Variants in P3H2 observed in about 807,000 individuals in gnomAD.
P3H2 encodes leprecan-like 1.
A neutral mutation model predicts 87.0 loss-of-function variants in P3H2; 80 were observed. The observed-to-expected ratio is 0.92, with a 90% confidence interval of 0.77 to 1.11. The LOEUF is 1.11. Among genes scored for constraint, P3H2 ranks in the 50% least tolerant of loss-of-function variants. The pLI, the probability that P3H2 is intolerant of heterozygous loss-of-function variation, is 0.00. For synonymous variants in P3H2, 367 were observed against 359.3 expected, an observed-to-expected ratio of 1.02 and a Z score of -0.24; for missense variants, 1,001 against 923.9, an observed-to-expected ratio of 1.08 and a Z score of -1.08.
chr3:190,042,922 A>G (rs1214875415), intron 1 of P3H2, among the ~76,000 whole-genome samples: 1 of 152,204 alleles, frequency 6.6e-6, no homozygotes, highest in Non-Finnish European at 1.5e-5. Context: ...AGTCAATTTT[A>G]ACGCTGAAAA....
At chr3:190,072,768 C>T (rs9836307) in intron 1 of P3H2, among the ~76,000 whole-genome samples, 36,335 of 152,016 alleles carry the variant, frequency 0.24, 4,682 homozygotes, top group African/African-American at 0.33. Flanking sequence ...ATTCAAACAA[C>T]TGTTTAAATT....
Position 190,120,783 on chromosome 3 carries a change from A to T in P3H2, c.-52T>A, listed in dbSNP as rs759702797. The T allele has an allele frequency of 1.3e-6, 2 of 1,500,584 alleles. No individual in the cohort carries two copies. Among genetic ancestry groups the T allele is most frequent in the South Asian group, 1.2e-5 (1 of 80,562 alleles). The allele number at this position is 1,500,584 out of a possible 1,614,324, so 93.0% of individuals were successfully genotyped here. A position where few individuals can be genotyped will look rare whatever the true frequency, so the allele number is the denominator to read the frequency against. ...GTTACGCTCGAGAGGGCTTCGGGGC[A>T]CCTCGCGTCCGGGTCCCCTCTCCCA... is the stretch of plus-strand genomic sequence containing the variant. On this transcript the variant is annotated 5_prime_UTR_variant, in exon 1 of 15. Coordinates refer to ENST00000319332, the MANE Select transcript of P3H2 (RefSeq NM_018192.4).
intron 1 of P3H2, among the ~76,000 whole-genome samples, chr3:190,111,030 G>A (rs79100078): frequency 0.04 from 6,158 of 152,186 alleles, 402 homozygotes; most frequent in African/African-American, 0.14. Flanking sequence ...AAATTCTGAC[G>A]TTTTGGATCT....
intron 7 of P3H2, among the ~76,000 whole-genome samples, chr3:189,983,980 GA>G (rs1723614016): frequency 1.3e-5 from 2 of 152,012 alleles, no homozygotes; most frequent in African/African-American, 4.8e-5. Context: ...AATGCTAAAT[GA>G]CAAGTTAATG....
At chr3:189,990,346 A>C (rs1471365657) in intron 3 of P3H2, among the ~76,000 whole-genome samples, 1 of 152,182 alleles carries the variant, frequency 6.6e-6, no homozygotes, top group African/African-American at 2.4e-5. Flanking sequence ...TTTCTTAAGA[A>C]AACAAAAATA....
chr3:190,041,076 A>C (rs1388556997), intron 1 of P3H2, among the ~76,000 whole-genome samples: 1 of 44,472 alleles, frequency 2.2e-5, no homozygotes, highest in Non-Finnish European at 3.9e-5. Context: ...ACACACACAC[A>C]CACACTCTCT....
At chr3:189,971,433 C>G (rs1048075303) in intron 12 of P3H2, 28 of 248,486 alleles carry the variant, frequency 1.1e-4, no homozygotes, top group Non-Finnish European at 1.8e-4. Flanking sequence ...AAATCTCTCT[C>G]AATAGGTAAG....
chr3:190,051,149 A>G (rs6444414), intron 1 of P3H2, among the ~76,000 whole-genome samples: 31,874 of 152,180 alleles, frequency 0.21, 5,298 homozygotes, highest in African/African-American at 0.46. Flanking sequence ...AAACAGGACA[A>G]TGCTAATGCC....
chr3:190,011,555 T>C (rs1724588967), intron 1 of P3H2, among the ~76,000 whole-genome samples: 1 of 152,210 alleles, frequency 6.6e-6, no homozygotes, highest in African/African-American at 2.4e-5. Flanking sequence ...ACTTTTCTGA[T>C]ATTATTTTGA....
At chr3:190,100,102 T>G (rs905947910) in intron 1 of P3H2, among the ~76,000 whole-genome samples, 1 of 151,940 alleles carries the variant, frequency 6.6e-6, no homozygotes, top group Non-Finnish European at 1.5e-5. Context: ...GGTGCAGTGG[T>G]GGGCACTTGT....
chr3:190,099,858 A>C (rs565722101), intron 1 of P3H2, among the ~76,000 whole-genome samples: 1 of 152,298 alleles, frequency 6.6e-6, no homozygotes, highest in South Asian at 2.1e-4. Context: ...ACCTTTATCT[A>C]AGAGGAAGAG....
intron 1 of P3H2, among the ~76,000 whole-genome samples, chr3:190,067,981 G>A (rs1161559302): frequency 6.6e-6 from 1 of 151,976 alleles, no homozygotes; most frequent in African/African-American, 2.4e-5. Context: ...TCCACAAATA[G>A]CATGAGTTAG....
At chr3:190,114,379 G>A (rs1446179718) in intron 1 of P3H2, among the ~76,000 whole-genome samples, 2 of 151,616 alleles carry the variant, frequency 1.3e-5, no homozygotes, top group Non-Finnish European at 2.9e-5. Flanking sequence ...GTAGAGACGG[G>A]GTTTCACCGT....
chr3:190,024,329 G>A (rs1560367261), intron 1 of P3H2, among the ~76,000 whole-genome samples: 1 of 151,974 alleles, frequency 6.6e-6, no homozygotes. Context: ...ACGAGGTCAG[G>A]AGTTCGAGAC....
chr3:190,011,500 A>C (rs1724587261), intron 1 of P3H2, among the ~76,000 whole-genome samples: 2 of 152,212 alleles, frequency 1.3e-5, no homozygotes, highest in Non-Finnish European at 1.5e-5. Context: ...ATTTTATTGG[A>C]AGTAAACAGT....
intron 1 of P3H2, among the ~76,000 whole-genome samples, chr3:190,034,872 G>A (rs1232743201): frequency 2.2e-5 from 3 of 135,394 alleles, no homozygotes; most frequent in African/African-American, 5.6e-5. Flanking sequence ...TTTTTGAGAC[G>A]GCATTTCACT....
intron 1 of P3H2, among the ~76,000 whole-genome samples, chr3:190,097,326 C>T (rs6762865): frequency 0.076 from 11,527 of 152,194 alleles, 1,172 homozygotes; most frequent in African/African-American, 0.23. Context: ...GCTATGATTT[C>T]CCCAATACTG....
rs748885674 is a variant in P3H2, at chr3:189,973,910, T to G, written c.1547A>C (p.Lys516Thr). The G allele has an allele frequency of 8.7e-6, 14 of 1,611,544 alleles. No homozygotes were observed. Among genetic ancestry groups the G allele is most frequent in the Non-Finnish European group, 1.7e-6 (2 of 1,177,618 alleles). The change falls in exon 10 of 15, where the codon AAA (lysine) becomes ACA (threonine). Residue 516 changes from lysine (K) to threonine (T), a missense_variant and splice_region_variant. Lys to Thr is a moderately conservative substitution (Grantham distance 78). Transcript: ENST00000319332. ...ACCCAAAAGAAGTTAAGACTTTACT[T>G]TGAGTGCTTTCAGGACAGTTGCACC... ...FEGATVLKAL[K>T]SGYEGRVPLK...
At chr3:189,965,292 T>C (rs906259673) in intron 13 of P3H2, among the ~76,000 whole-genome samples, 3 of 152,098 alleles carry the variant, frequency 2.0e-5, no homozygotes, top group African/African-American at 4.8e-5. Context: ...CGTGACTACA[T>C]ATGGAAGGTA....
Sources: gnomAD v4.1 joint callset for allele counts (sites outside exome capture counted in the v4.1 genomes callset) on GRCh38, gnomAD v4.1.1 for gene constraint, MANE v1.5 for transcripts, NCBI Gene and HGNC (gene_info 2026-07-23, HGNC 2026-07-21) for gene names.